GNB1: variants seen among roughly 807,000 people sequenced by gnomAD.
The protein encoded by GNB1 is G protein subunit beta 1.
GNB1 carries 2 observed loss-of-function variants against 42.9 expected under a neutral mutation model. That is an observed-to-expected ratio of 0.05 (90% CI 0.02 to 0.15). The LOEUF (loss-of-function observed/expected upper bound fraction) is 0.15. Ranked by LOEUF, GNB1 falls within the 10% of genes least tolerant of loss-of-function variation. The pLI is 1.00. For missense variants in GNB1, 193 were observed against 462.2 expected, an observed-to-expected ratio of 0.42 and a Z score of 5.34; for synonymous variants, 183 against 174.7, an observed-to-expected ratio of 1.05 and a Z score of -0.38.
chr1:1,871,209 T>C (rs1433661534), intron 1 of GNB1, among the ~76,000 whole-genome samples: 2 of 152,146 alleles, frequency 1.3e-5, no homozygotes, highest in Admixed American at 6.5e-5. Flanking sequence ...CCCAGCATTT[T>C]GGATAACATT....
chr1:1,832,203 T>C (rs1647086203), intron 2 of GNB1: 1 of 152,202 alleles, frequency 6.6e-6, no homozygotes, highest in South Asian at 2.1e-4. Flanking sequence ...AATTAAAGAA[T>C]AAATGTAAAT....
chr1:1,816,363 A>G (rs1646856159), intron 4 of GNB1, among the ~76,000 whole-genome samples: 1 of 152,170 alleles, frequency 6.6e-6, no homozygotes, highest in Non-Finnish European at 1.5e-5. Flanking sequence ...CCCATCCTAC[A>G]TATAGACACT....
intron 1 of GNB1, among the ~76,000 whole-genome samples, chr1:1,888,959 C>T (rs938332260): frequency 3.9e-5 from 6 of 152,176 alleles, no homozygotes; most frequent in African/African-American, 1.4e-4. Context: ...TCCCCAGCCT[C>T]GAACCCAGCG....
intron 1 of GNB1, among the ~76,000 whole-genome samples, chr1:1,889,273 C>T (rs1230017481): frequency 6.6e-6 from 1 of 152,118 alleles, no homozygotes; most frequent in East Asian, 1.9e-4. Flanking sequence ...AATAATCTCA[C>T]CAGCAACTGC....
chr1:1,850,297 A>T (rs1647911739), intron 1 of GNB1, among the ~76,000 whole-genome samples: 1 of 151,574 alleles, frequency 6.6e-6, no homozygotes, highest in Non-Finnish European at 1.5e-5. Flanking sequence ...CACCCTGCTA[A>T]TTTTTTTTAT....
intron 5 of GNB1, among the ~76,000 whole-genome samples, chr1:1,807,670 C>T (rs1646720257): frequency 1.3e-5 from 2 of 151,580 alleles, no homozygotes; most frequent in African/African-American, 4.8e-5. Flanking sequence ...GCGCATGGTC[C>T]GGGAGCAGAG....
At chr1:1,874,828 T>A (rs1015318876) in intron 1 of GNB1, among the ~76,000 whole-genome samples, 3 of 151,702 alleles carry the variant, frequency 2.0e-5, no homozygotes, top group African/African-American at 7.3e-5. Context: ...CTCCTGAGCT[T>A]CGTTCTGTGA....
At chr1:1,792,759 T>C (rs1321708852) in intron 8 of GNB1, among the ~76,000 whole-genome samples, 2 of 151,734 alleles carry the variant, frequency 1.3e-5, no homozygotes, top group African/African-American at 4.8e-5. Context: ...AATTAAACTT[T>C]GTAAATTTAT....
intron 3 of GNB1, among the ~76,000 whole-genome samples, chr1:1,824,395 C>T (rs750927756): frequency 6.6e-6 from 1 of 151,978 alleles, no homozygotes; most frequent in Non-Finnish European, 1.5e-5. Context: ...GAGACGAGAT[C>T]GCGCCACTGC....
intron 1 of GNB1, among the ~76,000 whole-genome samples, chr1:1,854,784 G>C (rs1570719127): frequency 6.6e-6 from 1 of 152,160 alleles, no homozygotes; most frequent in Admixed American, 6.5e-5. Flanking sequence ...CGTAATCCCC[G>C]CACTTTGGGA....
At chr1:1,824,323 C>G (rs1424770956) in intron 3 of GNB1, among the ~76,000 whole-genome samples, 1 of 152,090 alleles carries the variant, frequency 6.6e-6, no homozygotes, top group Non-Finnish European at 1.5e-5. Flanking sequence ...CCATTTAGAC[C>G]TACTGCTCCT....
At chr1:1,847,013 A>T (rs1647704301) in intron 1 of GNB1, among the ~76,000 whole-genome samples, 1 of 152,184 alleles carries the variant, frequency 6.6e-6, no homozygotes, top group Non-Finnish European at 1.5e-5. Flanking sequence ...CCATGAAGAA[A>T]ATCATTGAGG....
chr1:1,874,605 TAAAAAA>T (rs34864042), intron 1 of GNB1, among the ~76,000 whole-genome samples: 4 of 46,998 alleles, frequency 8.5e-5, no homozygotes, highest in Non-Finnish European at 1.1e-4. Flanking sequence ...AGACTCCATC[TAAAAAA>T]AAAAAAAAAA....
In GNB1 at chr1:1,785,385, A is replaced by T. The variant is rs928166728; in HGVS notation, c.*1678T>A. 6.5e-6 allele frequency: 1 copy of T among 152,712 alleles called. No individual in the cohort carries two copies. The highest frequency in any genetic ancestry group is 2.4e-5 in the African/African-American group (1 of 41,468). The allele number at this position is 152,712 out of a possible 1,614,324, so 9.5% of individuals were successfully genotyped here. On this transcript the variant is annotated 3_prime_UTR_variant, in exon 12 of 12. Coordinates refer to ENST00000378609, the MANE Select transcript of GNB1 (RefSeq NM_002074.5). ...TTCCTTGCAGTACACTGACTTTAAAATTAAATACAAAAGGTGGAAAGGGGT... is the reference window on the plus strand; with the variant it reads ...TTCCTTGCAGTACACTGACTTTAAATTTAAATACAAAAGGTGGAAAGGGGT...
chr1:1,869,868 C>T (rs1217355496), intron 1 of GNB1, among the ~76,000 whole-genome samples: 1 of 151,502 alleles, frequency 6.6e-6, no homozygotes, highest in East Asian at 1.9e-4. Flanking sequence ...ACAATCTTTT[C>T]TTTTTTTTTC....
At chr1:1,797,865 G>A (rs552831267) in intron 7 of GNB1, among the ~76,000 whole-genome samples, 7 of 152,342 alleles carry the variant, frequency 4.6e-5, no homozygotes, top group African/African-American at 1.4e-4. Flanking sequence ...AGGACACACT[G>A]AAAGGCAGGC....
chr1:1,873,921 G>A (rs1320960464), intron 1 of GNB1, among the ~76,000 whole-genome samples: 1 of 152,194 alleles, frequency 6.6e-6, no homozygotes, highest in Non-Finnish European at 1.5e-5. Flanking sequence ...TATCCAGGCA[G>A]GCAGCGTGGG....
intron 2 of GNB1, among the ~76,000 whole-genome samples, chr1:1,838,435 CTTTT>C (rs201038635): frequency 6.7e-6 from 1 of 149,216 alleles, no homozygotes; most frequent in East Asian, 2.0e-4. Flanking sequence ...GTTCACCTTA[CTTTT>C]TTTTCTTTTC....
intron 2 of GNB1, among the ~76,000 whole-genome samples, chr1:1,836,691 T>C (rs1037671478): frequency 2.0e-5 from 3 of 152,052 alleles, no homozygotes; most frequent in Admixed American, 6.6e-5. Context: ...GCCGGGATTA[T>C]AGGCATAAGC....
Sources: allele counts gnomAD v4.1 joint callset (sites outside exome capture counted in the v4.1 genomes callset), GRCh38; gene constraint gnomAD v4.1.1; transcripts MANE v1.5; gene names NCBI Gene and HGNC (gene_info 2026-07-23, HGNC 2026-07-21).